FGGY: variants seen among roughly 807,000 people sequenced by gnomAD.
The protein encoded by FGGY is FGGY carbohydrate kinase domain-containing protein.
Under a neutral mutation model 71.3 loss-of-function variants are expected in FGGY, and 72 were observed. The observed-to-expected ratio is 1.01, with a 90% CI of 0.84 to 1.23. FGGY has a LOEUF of 1.23. Among genes scored for constraint, FGGY ranks in the 50% most tolerant of loss-of-function variants. The pLI is 0.00. For missense variants in FGGY, 668 were observed against 682.3 expected (o/e 0.98, Z 0.23); for synonymous variants, 251 against 250.3 (o/e 1.00, Z -0.02).
chr1:59,350,300 G>A (rs941627948), intron 4 of FGGY, among the ~76,000 whole-genome samples: 15 of 152,146 alleles, frequency 9.9e-5, no homozygotes, highest in Non-Finnish European at 1.9e-4. Context: ...AGGGATAGTG[G>A]TAGGGGAGCA....
At chr1:59,573,699 G>A (rs780047016) in intron 8 of FGGY, among the ~76,000 whole-genome samples, 8 of 152,156 alleles carry the variant, frequency 5.3e-5, no homozygotes, top group Non-Finnish European at 1.2e-4. Flanking sequence ...ATAACCATGA[G>A]TTAATATACC....
chr1:59,703,162 C>A (rs1428866086), intron 14 of FGGY, among the ~76,000 whole-genome samples: 1 of 152,164 alleles, frequency 6.6e-6, no homozygotes, highest in Non-Finnish European at 1.5e-5. Context: ...TACTATTTGT[C>A]ATAATTATTC....
chr1:59,536,522 AC>A (rs2095319131), intron 7 of FGGY, among the ~76,000 whole-genome samples: 1 of 152,164 alleles, frequency 6.6e-6, no homozygotes, highest in Non-Finnish European at 1.5e-5. Flanking sequence ...CAGAGACACA[AC>A]CAAAAAAGAG....
intron 14 of FGGY, among the ~76,000 whole-genome samples, chr1:59,736,156 T>C (rs1055525504): frequency 2.0e-5 from 3 of 152,208 alleles, no homozygotes; most frequent in Non-Finnish European, 4.4e-5. Context: ...GACTTGCTCC[T>C]CCTTGCCTTC....
intron 9 of FGGY, among the ~76,000 whole-genome samples, chr1:59,612,975 A>G (rs751772078): frequency 1.4e-4 from 21 of 152,264 alleles, no homozygotes; most frequent in Non-Finnish European, 2.4e-4. Context: ...TACCCAATAC[A>G]GGAGCACCCA....
At chr1:59,586,366 A>G (rs1372293083) in intron 8 of FGGY, among the ~76,000 whole-genome samples, 3 of 152,206 alleles carry the variant, frequency 2.0e-5, no homozygotes, top group Non-Finnish European at 4.4e-5. Context: ...AGGGACATGG[A>G]TGAAGCTGGA....
chr1:59,388,069 A>G (rs914401999), intron 5 of FGGY, among the ~76,000 whole-genome samples: 6 of 152,102 alleles, frequency 3.9e-5, no homozygotes, highest in Non-Finnish European at 8.8e-5. Context: ...AGAACTTCTA[A>G]TATACTAGAT....
chr1:59,670,453 T>G (rs888695702), intron 13 of FGGY, among the ~76,000 whole-genome samples: 5 of 152,230 alleles, frequency 3.3e-5, no homozygotes, highest in Non-Finnish European at 7.3e-5. Context: ...TTTTTGGAGA[T>G]AGTGTGGAAC....
intron 6 of FGGY, among the ~76,000 whole-genome samples, chr1:59,469,767 A>G (rs2092843294): frequency 6.6e-6 from 1 of 152,004 alleles, no homozygotes; most frequent in Non-Finnish European, 1.5e-5. Context: ...ACCCTCCCAA[A>G]GGACCCAGTG....
intron 5 of FGGY, among the ~76,000 whole-genome samples, chr1:59,432,080 G>A (rs905069586): frequency 2.0e-5 from 3 of 152,150 alleles, no homozygotes; most frequent in Admixed American, 1.3e-4. Flanking sequence ...TGGAGATTGA[G>A]TTAATAAGCA....
At chr1:59,653,029 G>T (rs2097180163) in intron 11 of FGGY, among the ~76,000 whole-genome samples, 1 of 152,176 alleles carries the variant, frequency 6.6e-6, no homozygotes, top group Non-Finnish European at 1.5e-5. Flanking sequence ...GTGTCAGTGT[G>T]CTCCTGCTGG....
intron 8 of FGGY, among the ~76,000 whole-genome samples, chr1:59,571,566 T>A (rs561428229): frequency 2.8e-4 from 43 of 152,342 alleles, no homozygotes; most frequent in African/African-American, 1.0e-3. Flanking sequence ...TGCCCTGTAC[T>A]CTACCAATTC....
In FGGY at chr1:59,674,057, C is replaced by T. The variant is rs565622282; in HGVS notation, c.1436C>T (p.Ser479Leu). The change falls in exon 14 of 16, where the codon TCG becomes TTG. Residue 479 changes from serine (S) to leucine (L), a missense_variant. Ser to Leu is a moderately radical substitution (Grantham distance 145). Around this residue, in one of 2 missense-constraint regions of FGGY, gnomAD observed 661 missense variants for 661.6 expected, o/e 1.00. Coordinates refer to ENST00000303721, the MANE Select transcript of FGGY (RefSeq NM_018291.5). ...ADITGMPVVL[S>L]QEVESVLVGA... ...TGCGCAGGCATGCCTGTGGTCCTGT[C>T]GCAAGAGGTGGAGTCCGTTCTTGTG... is the stretch of plus-strand genomic sequence containing the variant. 6.8e-6 allele frequency: 11 copies of T among 1,613,660 alleles called. No individual in the cohort carries two copies. Among genetic ancestry groups the T allele is most frequent in the Admixed American group, 1.7e-5 (1 of 59,978 alleles).
chr1:59,620,493 G>C (rs545935148), intron 9 of FGGY, among the ~76,000 whole-genome samples: 2 of 151,618 alleles, frequency 1.3e-5, no homozygotes, highest in Non-Finnish European at 2.9e-5. Flanking sequence ...ATTTTACTTG[G>C]GTTGTTTAGA....
intron 6 of FGGY, among the ~76,000 whole-genome samples, chr1:59,508,018 G>T (rs1162791961): frequency 6.6e-6 from 1 of 151,906 alleles, no homozygotes; most frequent in East Asian, 1.9e-4. Context: ...TGCCCCTCAG[G>T]GCTCCCTACA....
chr1:59,440,106 A>C (rs2069444156), intron 5 of FGGY, among the ~76,000 whole-genome samples: 1 of 152,098 alleles, frequency 6.6e-6, no homozygotes, highest in Middle Eastern at 3.4e-3. Flanking sequence ...AAAAAAAAAA[A>C]AAAAAACGGA....
intron 8 of FGGY, among the ~76,000 whole-genome samples, chr1:59,561,994 A>T (rs552820775): frequency 6.6e-6 from 1 of 152,176 alleles, no homozygotes; most frequent in East Asian, 1.9e-4. Context: ...TACTACTCCT[A>T]CTCATCTTAG....
At chr1:59,538,169 A>T (rs1280143388) in intron 7 of FGGY, among the ~76,000 whole-genome samples, 1 of 152,200 alleles carries the variant, frequency 6.6e-6, no homozygotes, top group African/African-American at 2.4e-5. Flanking sequence ...CAACCCCATG[A>T]AAAAGTGGGC....
chr1:59,498,879 C>A (rs979690253), intron 6 of FGGY, among the ~76,000 whole-genome samples: 11 of 152,324 alleles, frequency 7.2e-5, no homozygotes, highest in South Asian at 6.2e-4. Context: ...TTCCACTCCT[C>A]CCCCGGAGGG....
Sources: gnomAD v4.1 joint callset for allele counts (sites outside exome capture counted in the v4.1 genomes callset) on GRCh38, gnomAD v4.1.1 for gene constraint, gnomAD v4.1.1 regional missense constraint, MANE v1.5 for transcripts, NCBI Gene and HGNC (gene_info 2026-07-23, HGNC 2026-07-21) for gene names.